The following SPTBN4 variants were observed in gnomAD, a reference collection of about 807,000 sequenced individuals.
SPTBN4 encodes spectrin beta, non-erythrocytic 4, also known as spectrin beta chain, non-erythrocytic 4.
A neutral mutation model predicts 277.8 loss-of-function variants in SPTBN4; 96 were observed. The ratio of observed to expected loss-of-function variants is 0.35; its 90% CI spans 0.29 to 0.41. SPTBN4 has a LOEUF of 0.41. Ranked by LOEUF, SPTBN4 falls within the 10% of genes least tolerant of loss-of-function variation. The pLI, the probability that SPTBN4 is intolerant of heterozygous loss-of-function variation, is 1.00. For missense variants in SPTBN4, 3,006 were observed against 3,595.7 expected (o/e 0.84, Z 4.19); for synonymous variants, 1,481 against 1,580.3 (o/e 0.94, Z 1.49).
intron 26 of SPTBN4, among the ~76,000 whole-genome samples, chr19:40,558,493 C>T (rs1599808487): frequency 1.3e-5 from 2 of 152,102 alleles, no homozygotes; most frequent in East Asian, 3.9e-4. Flanking sequence ...GGCCAGAATT[C>T]GGATGTGGAT....
intron 27 of SPTBN4, among the ~76,000 whole-genome samples, chr19:40,563,674 A>G (rs2081065580): frequency 7.0e-6 from 1 of 143,448 alleles, no homozygotes; most frequent in African/African-American, 2.6e-5. Flanking sequence ...AGATCGCACC[A>G]CTGCAGTCCA....
At position 40,567,908 on chromosome 19, in the gene SPTBN4, G is replaced by C. The variant is rs1003567232; in HGVS notation, c.6582G>C (p.Arg2194=). The C allele has an allele frequency of 6.6e-7, 1 of 1,522,642 alleles. No individual in the cohort carries two copies. The highest frequency in any genetic ancestry group is 8.8e-7 in the Non-Finnish European group (1 of 1,138,352). 94.3% of individuals were successfully genotyped at this position (1,522,642 alleles called of 1,614,324 possible). ...KPERLQPRID[R]LPEIPGRVEP... ...AGCGCCTCCAGCCGCGCATTGACCGGCTGCCGGAGATCCCGGGGAGGGTGG... is the reference window on the plus strand; with the variant it reads ...AGCGCCTCCAGCCGCGCATTGACCGCCTGCCGGAGATCCCGGGGAGGGTGG... The change falls in exon 31 of 36, where the codon CGG becomes CGC. Residue 2194 remains arginine (R), a synonymous_variant. Coordinates refer to ENST00000598249, the MANE Select transcript of SPTBN4 (RefSeq NM_020971.3).
rs966103136 is a variant in SPTBN4, at chr19:40,507,187, C to T, written c.1816+801C>T. Among the ~76,000 whole-genome samples, 8 of 151,794 alleles carry T rather than the reference C, an allele frequency of 5.3e-5. No homozygotes were observed. In the South Asian group the frequency reaches 6.3e-4, roughly 12 times the overall value. On this transcript the variant is annotated intron_variant, in intron 13 of 35. Transcript: ENST00000598249. Reference sequence around the variant, plus strand: ...AAAATTAGGTAGGCATGGTGGTGCACGCCTGTAGTCCCAGCCACTGCAGAG... The same window carrying T: ...AAAATTAGGTAGGCATGGTGGTGCATGCCTGTAGTCCCAGCCACTGCAGAG...
chr19:40,509,947 C>T (rs1044746101), intron 13 of SPTBN4, among the ~76,000 whole-genome samples: 3 of 152,168 alleles, frequency 2.0e-5, no homozygotes, highest in Admixed American at 2.0e-4. Flanking sequence ...TCTCCTTCAC[C>T]TTAGCTAGGT....
At chr19:40,559,992 G>A (rs987824865) in intron 26 of SPTBN4, among the ~76,000 whole-genome samples, 167 bp from the exon 27 acceptor site, 1 of 152,212 alleles carries the variant, frequency 6.6e-6, no homozygotes, top group East Asian at 1.9e-4. Flanking sequence ...GTCAGAATGC[G>A]GGTAAGTCAA....
intron 2 of SPTBN4, among the ~76,000 whole-genome samples, chr19:40,480,824 AG>A (rs2080002723): frequency 6.6e-6 from 1 of 152,136 alleles, no homozygotes; most frequent in Non-Finnish European, 1.5e-5. Context: ...GCACTTTGGG[AG>A]GCCAAGGCAG....
intron 20 of SPTBN4, among the ~76,000 whole-genome samples, chr19:40,548,660 A>C (rs2080883427): frequency 6.6e-6 from 1 of 151,812 alleles, no homozygotes; most frequent in Non-Finnish European, 1.5e-5. Flanking sequence ...GGTTGCAGTG[A>C]GCCAAGATTA....
At chr19:40,528,995 C>A in intron 17 of SPTBN4, 46 bp from the exon 18 acceptor site, 1 of 1,525,960 alleles carries the variant, frequency 6.6e-7, no homozygotes, top group Non-Finnish European at 9.1e-7. Flanking sequence ...AGCGCCGCAC[C>A]CCCCAACCCG....
intron 16 of SPTBN4, among the ~76,000 whole-genome samples, chr19:40,522,690 C>T (rs185582730): frequency 1.8e-4 from 28 of 152,218 alleles, no homozygotes; most frequent in African/African-American, 6.0e-4. Context: ...CTCCTCTGTG[C>T]TGGGCGCTAT....
At position 40,560,285 on chromosome 19, in the gene SPTBN4, G is replaced by A. The variant is rs746577312; in HGVS notation, c.5797G>A (p.Asp1933Asn). Residue 1933 changes from aspartate (D) to asparagine (N), a missense_variant, in exon 27 of 36, where the codon GAT (aspartate) becomes AAT (asparagine). Asp to Asn is a conservative substitution (Grantham distance 23). Transcript: ENST00000598249. The surrounding 1 kb of genome is among the most constrained non-coding windows in gnomAD (Gnocchi z 5.2). ...GWKELLSACE[D>N]ARLHVSSTAD... Reference sequence around the variant, plus strand: ...GAAAGAGCTGCTGTCAGCCTGTGAGGATGCCCGCCTGCATGTCAGCTCCAC... The same window carrying A: ...GAAAGAGCTGCTGTCAGCCTGTGAGAATGCCCGCCTGCATGTCAGCTCCAC... 66 of 1,613,936 alleles carry A rather than the reference G, an allele frequency of 4.1e-5. No individual in the cohort carries two copies. Among genetic ancestry groups the A allele is most frequent in the Non-Finnish European group, 5.5e-5 (65 of 1,180,012 alleles).
chr19:40,475,969 C>T (rs936078017), intron 2 of SPTBN4, among the ~76,000 whole-genome samples: 7 of 151,880 alleles, frequency 4.6e-5, no homozygotes, highest in African/African-American at 1.5e-4. Flanking sequence ...TCTCCTGAGC[C>T]CGGGAAGCAG....
At chr19:40,516,830 GACAAACAA>G (rs539815358) in intron 15 of SPTBN4, among the ~76,000 whole-genome samples, 14 of 151,930 alleles carry the variant, frequency 9.2e-5, no homozygotes, top group African/African-American at 1.5e-4. Flanking sequence ...TACCAAAACA[GACAAACAA>G]ACAAACAAAC....
At chr19:40,489,019 T>C (rs1182454593) in intron 3 of SPTBN4, among the ~76,000 whole-genome samples, 1 of 151,518 alleles carries the variant, frequency 6.6e-6, no homozygotes. Flanking sequence ...GACCCGTTTC[T>C]ACAAAAAATT....
intron 34 of SPTBN4, 56 bp downstream of exon 34, chr19:40,572,248 T>C: frequency 6.2e-7 from 1 of 1,601,520 alleles, no homozygotes; most frequent in Non-Finnish European, 8.5e-7. Context: ...CAACTCCCAG[T>C]GGGACCCTGG....
In SPTBN4 at chr19:40,515,186, A is replaced by T. The variant is rs555417321; in HGVS notation, c.2766-125A>T. 922 of 811,692 alleles carry T rather than the reference A, an allele frequency of 1.1e-3. 12 individuals carry two copies. The African/African-American group carries it at 0.027, about 24-fold the overall frequency. The allele number at this position is 811,692 out of a possible 1,614,324, so 50.3% of individuals were successfully genotyped here. On this transcript the variant is annotated intron_variant, in intron 14 of 35. Transcript: ENST00000598249. The surrounding 1 kb of genome is among the most constrained non-coding windows in gnomAD (Gnocchi z 4.1). ...TAAAATAAGCAGCAAGTAGAAGAGA[A>T]GGAGCCCACAAAGGAGGCTGAAAAG...
rs1568781725 is a variant in SPTBN4 at position 40,502,353 on chromosome 19, G to GAGCT, written c.1086-37_1086-36insAGCT. ...TCTGGAGGGAGGGTGGGCAGGGGTGGCATGACGGCAGGGCTCCTGAGCTCA... is the reference window on the plus strand; with the variant it reads ...TCTGGAGGGAGGGTGGGCAGGGGTGGAGCTCATGACGGCAGGGCTCCTGAGCTCA... On this transcript the variant is annotated intron_variant, in intron 9 of 35. Transcript: ENST00000598249. This position sits in a 1 kb window ranked among gnomAD's most constrained non-coding sequence, Gnocchi z 4.9. The GAGCT allele has an allele frequency of 6.2e-7, 1 of 1,609,114 alleles. No individual in the cohort carries two copies. Among genetic ancestry groups the GAGCT allele is most frequent in the Non-Finnish European group, 8.5e-7 (1 of 1,177,024 alleles).
At chr19:40,492,047 A>C (rs373692283) in intron 4 of SPTBN4, among the ~76,000 whole-genome samples, 3,177 of 151,790 alleles carry the variant, frequency 0.021, 121 homozygotes, top group African/African-American at 0.074. Flanking sequence ...AAAACAAAAA[A>C]AAAAACAAAG....
chr19:40,566,892 G>A lies in SPTBN4; in HGVS notation c.6336+533G>A, dbSNP rs1305600799. ...AGGCAGGATAATCACTTGAACTTGGGAGGCAGAGGTTGCAGTGAGCCAAGA... is the reference window on the plus strand; with the variant it reads ...AGGCAGGATAATCACTTGAACTTGGAAGGCAGAGGTTGCAGTGAGCCAAGA... On this transcript the variant is annotated intron_variant, in intron 30 of 35. Transcript: ENST00000598249. Among the ~76,000 whole-genome samples the A allele has an allele frequency of 5.3e-5, 8 of 151,938 alleles. No individual in the cohort carries two copies. The South Asian group carries it at 8.3e-4, about 16-fold the overall frequency.
Position 40,554,258 on chromosome 19 carries a change from C to T in SPTBN4, c.4786C>T (p.Leu1596=). 6.5e-6 allele frequency: 10 copies of T among 1,531,696 alleles called. No homozygotes were observed. Among genetic ancestry groups the T allele is most frequent in the Non-Finnish European group, 8.7e-6 (10 of 1,145,734 alleles). 94.9% of individuals were successfully genotyped at this position (1,531,696 alleles called of 1,614,324 possible). A position where few individuals can be genotyped will look rare whatever the true frequency, so the allele number is the denominator to read the frequency against. The change falls in exon 23 of 36, where the codon CTG becomes TTG. Residue 1596 remains leucine (L), a synonymous_variant. Transcript: ENST00000598249. The surrounding 1 kb of genome is among the most constrained non-coding windows in gnomAD (Gnocchi z 5.7). Reference sequence around the variant, plus strand: ...GGAGGCAGAGGCAGTGCGCCGGGGCCTGGAGCAGCTGCAGAGCGCCTGGGC... The same window carrying T: ...GGAGGCAGAGGCAGTGCGCCGGGGCTTGGAGCAGCTGCAGAGCGCCTGGGC... ...SPEAEAVRRG[L]EQLQSAWAGL...
Sources: allele counts gnomAD v4.1 joint callset (sites outside exome capture counted in the v4.1 genomes callset), GRCh38; gene constraint gnomAD v4.1.1; non-coding constraint Gnocchi (gnomAD v3.1); transcripts MANE v1.5; gene names NCBI Gene and HGNC (gene_info 2026-07-23, HGNC 2026-07-21).